The following PPP2R2C variants were observed in gnomAD, a reference collection of about 807,000 sequenced individuals.
PPP2R2C encodes the protein protein phosphatase 2, regulatory subunit B, gamma.
A neutral mutation model predicts 45.3 loss-of-function variants in PPP2R2C; 10 were observed. That is an observed-to-expected ratio of 0.22 (90% confidence interval 0.14 to 0.37). The LOEUF is 0.37. Among genes scored for constraint, PPP2R2C ranks in the 10% least tolerant of loss-of-function variants. The pLI, the probability that PPP2R2C is intolerant of heterozygous loss-of-function variation, is 1.00. For synonymous variants in PPP2R2C, 257 were observed against 245.4 expected (o/e 1.05, Z -0.44); for missense variants, 308 against 619.7 (o/e 0.50, Z 5.34).
intron 5 of PPP2R2C, among the ~76,000 whole-genome samples, chr4:6,356,637 T>C (rs887289469): frequency 6.6e-6 from 1 of 152,228 alleles, no homozygotes; most frequent in African/African-American, 2.4e-5. Flanking sequence ...GGTAAGGTAG[T>C]CCACGTGAAG....
Position 6,332,553 on chromosome 4 carries a change from G to A in PPP2R2C, c.960+1009C>T, listed in dbSNP as rs897630497. The stretch of plus-strand genomic sequence containing the variant: ...TGCACCAGTTCCCAGCGAGGCCTGC[G>A]CCACCCAGGACGCTTTCCTACTAGG... On this transcript the variant is annotated intron_variant, in intron 7 of 8. Coordinates refer to ENST00000382599, the MANE Select transcript of PPP2R2C (RefSeq NM_020416.4). This position sits in a 1 kb window ranked among gnomAD's most constrained non-coding sequence, Gnocchi z 4.9. Among the ~76,000 whole-genome samples, 8 of 152,176 alleles carry A rather than the reference G, an allele frequency of 5.3e-5. No individual in the cohort carries two copies. Among genetic ancestry groups the A allele is most frequent in the African/African-American group, 1.7e-4 (7 of 41,444 alleles).
intron 1 of PPP2R2C, among the ~76,000 whole-genome samples, chr4:6,389,932 T>C (rs1716484194): frequency 6.6e-6 from 1 of 152,016 alleles, no homozygotes; most frequent in Non-Finnish European, 1.5e-5. Context: ...TCTCAGCGTT[T>C]ATGGGGTCAG....
intron 2 of PPP2R2C, among the ~76,000 whole-genome samples, chr4:6,491,965 C>T (rs1033965893): frequency 5.9e-5 from 9 of 152,278 alleles, no homozygotes; most frequent in African/African-American, 1.9e-4. Context: ...CTAATACAGC[C>T]GGGCTCCATC....
At chr4:6,357,466 G>A (rs771070851) in intron 5 of PPP2R2C, among the ~76,000 whole-genome samples, 1 of 152,244 alleles carries the variant, frequency 6.6e-6, no homozygotes, top group Non-Finnish European at 1.5e-5. Context: ...CTCTGCTGTT[G>A]TAACAGAAAA....
At chr4:6,425,792 G>A (rs1719251302) in intron 1 of PPP2R2C, among the ~76,000 whole-genome samples, 1 of 152,020 alleles carries the variant, frequency 6.6e-6, no homozygotes, top group African/African-American at 2.4e-5. Flanking sequence ...ATACAGAACA[G>A]GGCCCAGAAT....
intron 1 of PPP2R2C, among the ~76,000 whole-genome samples, chr4:6,427,328 G>A (rs540560697): frequency 6.6e-5 from 10 of 152,348 alleles, no homozygotes; most frequent in African/African-American, 2.4e-4. Flanking sequence ...GGAAATCCTG[G>A]CAGGACAGTG....
intron 5 of PPP2R2C, among the ~76,000 whole-genome samples, chr4:6,355,561 A>AAAAAG (rs1713094859): frequency 6.6e-6 from 1 of 151,858 alleles, no homozygotes; most frequent in African/African-American, 2.4e-5. Flanking sequence ...CAAAAAAAAA[A>AAAAAG]AAAAAAGAGG....
rs887735654 is a variant in PPP2R2C at position 6,459,794 on chromosome 4, CA to C, written c.70+12365del. ...AGAGCAAGCCTCTGTCACACACACA[CA>C]AAAAAACAGCAATTTTTACCATAAT... is the stretch of plus-strand genomic sequence containing the variant. On this transcript the variant is annotated intron_variant, in intron 1 of 8. Transcript: ENST00000382599. Among the ~76,000 whole-genome samples, 243 of 151,550 alleles carry C rather than the reference CA, an allele frequency of 1.6e-3. 1 individual carries two copies. Among genetic ancestry groups the C allele is most frequent in the Non-Finnish European group, 1.1e-3 (75 of 67,770 alleles).
At chr4:6,553,776 A>G (rs1380690054) in intron 1 of PPP2R2C, among the ~76,000 whole-genome samples, 1 of 152,114 alleles carries the variant, frequency 6.6e-6, no homozygotes, top group East Asian at 1.9e-4. Context: ...TGTCAGTGCT[A>G]AGAAGCATCC....
At chr4:6,432,818 A>T (rs932754856) in intron 1 of PPP2R2C, among the ~76,000 whole-genome samples, 1 of 152,156 alleles carries the variant, frequency 6.6e-6, no homozygotes, top group East Asian at 1.9e-4. Flanking sequence ...TTGACCCTCA[A>T]ACATGAGCTG....
At chr4:6,511,504 ATGGTGG>A (rs1268380529) in intron 2 of PPP2R2C, among the ~76,000 whole-genome samples, 2 of 9,614 alleles carry the variant, frequency 2.1e-4, no homozygotes, top group East Asian at 4.7e-3. Context: ...GATGGCGGTG[ATGGTGG>A]TGGTGGTGGT....
At position 6,378,364 on chromosome 4, in the gene PPP2R2C, C is replaced by G. The variant is rs778316281; in HGVS notation, c.334+43G>C. On this transcript the variant is annotated intron_variant, in intron 3 of 8. Coordinates refer to ENST00000382599, the MANE Select transcript of PPP2R2C (RefSeq NM_020416.4). The surrounding 1 kb of genome is among the most constrained non-coding windows in gnomAD (Gnocchi z 5.2). Reference sequence around the variant, plus strand: ...ACAAACCAGCATTTGGTAGAAACATCTACGGCCTGTGCCCATGCAAGCGAG... The same window carrying G: ...ACAAACCAGCATTTGGTAGAAACATGTACGGCCTGTGCCCATGCAAGCGAG... 4.3e-6 allele frequency: 7 copies of G among 1,613,182 alleles called. No homozygotes were observed. Among genetic ancestry groups the G allele is most frequent in the Non-Finnish European group, 5.9e-6 (7 of 1,179,848 alleles).
Position 6,510,980 on chromosome 4 carries a change from C to CAACA in PPP2R2C, c.49+24290_49+24291insTGTT, listed in dbSNP as rs1553905389. ...CAACAGAGTGAGACTCCGTCTCAAACAAAAAAAAACAAACAAACAAAAAAA... is the reference window on the plus strand; with the variant it reads ...CAACAGAGTGAGACTCCGTCTCAAACAACAAAAAAAAAACAAACAAACAAAAAAA... On this transcript the variant is annotated intron_variant, in intron 2 of 9. Coordinates refer to the PPP2R2C transcript ENST00000506140. Among the ~76,000 whole-genome samples the CAACA allele has an allele frequency of 4.5e-3, 186 of 41,364 alleles. 1 individual carries two copies. In the East Asian group the frequency reaches 0.078, roughly 17 times the overall value. The allele number at this position is 41,364 out of a possible 152,430, so 27.1% of individuals were successfully genotyped here. A position where few individuals can be genotyped will look rare whatever the true frequency, so the allele number is the denominator to read the frequency against.
intron 1 of PPP2R2C, among the ~76,000 whole-genome samples, chr4:6,409,748 G>A (rs1560525040): frequency 6.6e-6 from 1 of 152,176 alleles, no homozygotes; most frequent in Non-Finnish European, 1.5e-5. Flanking sequence ...CCCAAGTCAT[G>A]GGTGGAGCTG....
At chr4:6,517,304 C>G (rs1049154653) in intron 2 of PPP2R2C, among the ~76,000 whole-genome samples, 7 of 152,322 alleles carry the variant, frequency 4.6e-5, no homozygotes, top group Admixed American at 4.6e-4. Context: ...CTCAACCCAA[C>G]AGCTCACCCT....
At chr4:6,532,853 C>T (rs1724448806) in intron 2 of PPP2R2C, among the ~76,000 whole-genome samples, 1 of 152,170 alleles carries the variant, frequency 6.6e-6, no homozygotes, top group Non-Finnish European at 1.5e-5. Flanking sequence ...GGCAGCAGCA[C>T]CGGGGGGCCA....
At chr4:6,401,650 C>A (rs1449175366) in intron 1 of PPP2R2C, among the ~76,000 whole-genome samples, 1 of 152,086 alleles carries the variant, frequency 6.6e-6, no homozygotes, top group Middle Eastern at 3.2e-3. Context: ...ATCTCATGAG[C>A]CTGAGAGCCC....
At chr4:6,499,776 A>C (rs935740616) in intron 2 of PPP2R2C, among the ~76,000 whole-genome samples, 5 of 151,606 alleles carry the variant, frequency 3.3e-5, no homozygotes, top group African/African-American at 7.3e-5. Context: ...AAAAAAAAAA[A>C]AACAACTCCT....
intron 2 of PPP2R2C, among the ~76,000 whole-genome samples, chr4:6,511,836 G>A (rs1332539461): frequency 1.3e-5 from 1 of 74,644 alleles, no homozygotes; most frequent in African/African-American, 5.0e-5. Context: ...TGGTGGTGGT[G>A]ATGGTGGTGG....
Sources: allele counts gnomAD v4.1 joint callset (sites outside exome capture counted in the v4.1 genomes callset), GRCh38; gene constraint gnomAD v4.1.1; non-coding constraint Gnocchi (gnomAD v3.1); transcripts MANE v1.5; gene names NCBI Gene and HGNC (gene_info 2026-07-23, HGNC 2026-07-21).